Variants in ZBTB20 observed in about 807,000 individuals in gnomAD.
The protein encoded by ZBTB20 is zinc finger and BTB domain-containing protein 20.
Under a neutral mutation model 56.9 loss-of-function variants are expected in ZBTB20, and 9 were observed. The ratio of observed to expected loss-of-function variants is 0.16; its 90% CI spans 0.10 to 0.28. The LOEUF (loss-of-function observed/expected upper bound fraction) is 0.28, where lower values mean the gene tolerates loss of function less well. Ranked by LOEUF, ZBTB20 falls within the 10% of genes least tolerant of loss-of-function variation. ZBTB20 has a pLI of 1.00. For missense variants in ZBTB20, 655 were observed against 1,003.0 expected, an observed-to-expected ratio of 0.65 and a Z score of 4.69; for synonymous variants, 417 against 420.7, an observed-to-expected ratio of 0.99 and a Z score of 0.11.
At chr3:114,848,930 G>GAGCC (rs1194639963) in intron 4 of ZBTB20, among the ~76,000 whole-genome samples, 6 of 152,168 alleles carry the variant, frequency 3.9e-5, no homozygotes, top group Non-Finnish European at 2.9e-5. Context: ...TAATGACAAA[G>GAGCC]AGCCCTGCTT....
At chr3:115,116,870 TC>T (rs1560585055) in intron 1 of ZBTB20, among the ~76,000 whole-genome samples, 1 of 152,090 alleles carries the variant, frequency 6.6e-6, no homozygotes, top group African/African-American at 2.4e-5. Context: ...GCTGTAGTCA[TC>T]ATGTATCTGT....
rs1217454352 is a variant in ZBTB20, at chr3:114,321,798, TATC to T, written c.*17204_*17206del. ...AGGAGAGTTTAGAATCTAGTGCAAATATCATCAAATCACAGCATTCCAGAGCAA... is the reference window on the plus strand; with the variant it reads ...AGGAGAGTTTAGAATCTAGTGCAAATATCAAATCACAGCATTCCAGAGCAA... On this transcript the variant is annotated 3_prime_UTR_variant, in exon 12 of 12. Coordinates refer to ENST00000675478, the MANE Select transcript of ZBTB20 (RefSeq NM_001348800.3). 2.0e-5 allele frequency: 3 copies of T among 152,230 alleles called. No homozygotes were observed. The highest frequency in any genetic ancestry group is 2.0e-4 in the Admixed American group (3 of 15,280). The allele number at this position is 152,230 out of a possible 1,614,324, so 9.4% of individuals were successfully genotyped here. A position where few individuals can be genotyped will look rare whatever the true frequency, so the allele number is the denominator to read the frequency against.
chr3:114,529,616 G>A (rs2047614735), intron 6 of ZBTB20, among the ~76,000 whole-genome samples: 1 of 152,204 alleles, frequency 6.6e-6, no homozygotes, highest in Non-Finnish European at 1.5e-5. Flanking sequence ...AACATAGCTG[G>A]TTTGGAAAGT....
chr3:114,641,101 C>T (rs1021496640), intron 6 of ZBTB20, among the ~76,000 whole-genome samples: 1 of 152,016 alleles, frequency 6.6e-6, no homozygotes, highest in Non-Finnish European at 1.5e-5. Context: ...AGGGAAAGAA[C>T]TACATATGCT....
chr3:115,123,692 C>T (rs2084245076), intron 1 of ZBTB20, among the ~76,000 whole-genome samples: 2 of 152,204 alleles, frequency 1.3e-5, no homozygotes, highest in Admixed American at 6.5e-5. Context: ...AACCAGTAAA[C>T]ACACATCCAA....
chr3:114,711,672 CT>C lies in ZBTB20; in HGVS notation c.-342-18098del, dbSNP rs536205568. ...TGGCATCAAATGCTGACATGGCAAT[CT>C]TATGCTTGATGAACCCTCAATCTGG... On this transcript the variant is annotated intron_variant, in intron 5 of 11. Transcript: ENST00000675478. Among the ~76,000 whole-genome samples, 10 of 152,310 alleles carry C rather than the reference CT, an allele frequency of 6.6e-5. No homozygotes were observed. The South Asian group carries it at 1.9e-3, about 28-fold the overall frequency.
At chr3:114,916,463 T>C (rs1257674428) in intron 3 of ZBTB20, among the ~76,000 whole-genome samples, 2 of 152,246 alleles carry the variant, frequency 1.3e-5, no homozygotes, top group East Asian at 1.9e-4. Flanking sequence ...TATGTAATAG[T>C]AATAATATTT....
chr3:114,749,767 A>C (rs1289795396), intron 5 of ZBTB20, among the ~76,000 whole-genome samples: 1 of 152,168 alleles, frequency 6.6e-6, no homozygotes, highest in Non-Finnish European at 1.5e-5. Context: ...TCCCATTTCC[A>C]CCTTTTAACA....
intron 4 of ZBTB20, among the ~76,000 whole-genome samples, chr3:114,812,601 TC>T (rs1292323252): frequency 6.6e-6 from 1 of 152,194 alleles, no homozygotes; most frequent in Non-Finnish European, 1.5e-5. Context: ...GCTCTCCACG[TC>T]CCCACCAGAC....
rs536268042 is a variant in ZBTB20, at chr3:114,342,836, TA to T, written c.1805-3411del. Among the ~76,000 whole-genome samples, 503 of 152,322 alleles carry T rather than the reference TA, an allele frequency of 3.3e-3. 10 individuals are homozygous for T. The highest frequency in any genetic ancestry group is 4.3e-3 in the Non-Finnish European group (291 of 68,026). ...AACAAGTGATTATATTGCAGCTATG[TA>T]ATTCAGAGTTAAAGGTATCGTCTAC... On this transcript the variant is annotated intron_variant, in intron 11 of 11. Transcript: ENST00000675478.
At chr3:114,732,345 A>G (rs1162536497) in intron 5 of ZBTB20, among the ~76,000 whole-genome samples, 1 of 151,640 alleles carries the variant, frequency 6.6e-6, no homozygotes, top group African/African-American at 2.4e-5. Context: ...TTTTCCTGTT[A>G]TCTTCCAAGG....
chr3:114,529,047 T>C (rs1312463784), intron 6 of ZBTB20: 1 of 152,196 alleles, frequency 6.6e-6, no homozygotes. Flanking sequence ...AGGTCCTCTG[T>C]GACCCCTAGG....
chr3:114,954,888 C>A (rs920262366), intron 3 of ZBTB20, among the ~76,000 whole-genome samples: 9 of 152,154 alleles, frequency 5.9e-5, no homozygotes, highest in Non-Finnish European at 1.0e-4. Flanking sequence ...CTTGCTGATA[C>A]CAAGGAACAA....
At chr3:115,124,868 C>G (rs891130477) in intron 1 of ZBTB20, among the ~76,000 whole-genome samples, 1 of 151,608 alleles carries the variant, frequency 6.6e-6, no homozygotes, top group African/African-American at 2.4e-5. Context: ...AAAGCATGAA[C>G]CATTAAAGAA....
intron 1 of ZBTB20, among the ~76,000 whole-genome samples, chr3:115,105,932 C>T (rs907719021): frequency 6.6e-6 from 1 of 152,026 alleles, no homozygotes; most frequent in African/African-American, 2.4e-5. Context: ...ATTCTCCTGC[C>T]TCAGCCTCCT....
intron 7 of ZBTB20, among the ~76,000 whole-genome samples, chr3:114,426,552 C>T (rs2089690600): frequency 6.6e-6 from 1 of 151,950 alleles, no homozygotes; most frequent in Non-Finnish European, 1.5e-5. Context: ...CTAAGGCCCA[C>T]CTTAATCCAC....
intron 2 of ZBTB20, among the ~76,000 whole-genome samples, chr3:115,051,203 T>A (rs1486392315): frequency 6.6e-6 from 1 of 152,108 alleles, no homozygotes; most frequent in Non-Finnish European, 1.5e-5. Flanking sequence ...GGTAGTATGT[T>A]AGTTCCTATG....
chr3:115,022,119 T>A (rs542112903), intron 2 of ZBTB20, among the ~76,000 whole-genome samples: 16 of 150,694 alleles, frequency 1.1e-4, no homozygotes, highest in East Asian at 9.8e-4. Context: ...ATTCCTAAAT[T>A]TTGAAAATTT....
intron 2 of ZBTB20, among the ~76,000 whole-genome samples, chr3:115,053,364 A>C (rs1031251808): frequency 1.3e-5 from 2 of 152,130 alleles, no homozygotes; most frequent in African/African-American, 4.8e-5. Flanking sequence ...AATTGGTTTT[A>C]GGTCAAAGCT....
Sources: gnomAD v4.1 joint callset for allele counts (sites outside exome capture counted in the v4.1 genomes callset) on GRCh38, gnomAD v4.1.1 for gene constraint, MANE v1.5 for transcripts, NCBI Gene and HGNC (gene_info 2026-07-23, HGNC 2026-07-21) for gene names.